The following SLC30A7 variants were observed in gnomAD, a reference collection of about 807,000 sequenced individuals.
The protein encoded by SLC30A7 is solute carrier family 30 member 7, also known as zinc transporter 7.
A neutral mutation model predicts 46.0 loss-of-function variants in SLC30A7; 35 were observed. The ratio of observed to expected loss-of-function variants is 0.76; its 90% CI spans 0.58 to 1.01. The LOEUF (loss-of-function observed/expected upper bound fraction) is 1.01. SLC30A7 is among the 50% of genes least tolerant of loss of function. SLC30A7 has a pLI of 0.00. For missense variants in SLC30A7, 464 were observed against 451.1 expected (o/e 1.03, Z -0.26); for synonymous variants, 147 against 157.8 (o/e 0.93, Z 0.51).
Position 100,901,740 on chromosome 1 carries a change from G to A in SLC30A7, c.182+5069G>A, listed in dbSNP as rs149760250. Among the ~76,000 whole-genome samples the A allele has an allele frequency of 6.5e-3, 991 of 152,240 alleles. 17 individuals are homozygous for A. The highest frequency in any genetic ancestry group is 0.021 in the African/African-American group (861 of 41,548). ...ATTATAGGCACGAGCCACTGCACCC[G>A]GCTGGTTTTCCATGTTAAAATGTCT... On this transcript the variant is annotated intron_variant, in intron 2 of 10. Transcript: ENST00000357650.
At chr1:100,973,058 GA>G (rs111988102) in intron 10 of SLC30A7, among the ~76,000 whole-genome samples, 43 of 133,772 alleles carry the variant, frequency 3.2e-4, no homozygotes, top group African/African-American at 2.7e-4. Flanking sequence ...CTTTCCACAG[GA>G]AAAAAAAAAA....
In SLC30A7 at chr1:100,969,419, T is replaced by C. The variant is rs1656032894; in HGVS notation, c.1083+3501T>C. The stretch of plus-strand genomic sequence containing the variant: ...CTGTTGAATTCTAGGACACTCCATA[T>C]TCTCCTAAGACTTTGGCATTTACTC... On this transcript the variant is annotated intron_variant, in intron 10 of 10. Coordinates refer to ENST00000357650, the MANE Select transcript of SLC30A7 (RefSeq NM_133496.5). Among the ~76,000 whole-genome samples, 2 of 152,200 alleles carry C rather than the reference T, an allele frequency of 1.3e-5. 1 individual carries two copies. The highest frequency in any genetic ancestry group is 4.1e-4 in the South Asian group (2 of 4,830).
chr1:100,965,253 T>C (rs1570591080), intron 9 of SLC30A7, among the ~76,000 whole-genome samples: 2 of 152,226 alleles, frequency 1.3e-5, no homozygotes, highest in Non-Finnish European at 2.9e-5. Context: ...TCTTTTCACA[T>C]TGAGCTTTTT....
At chr1:100,928,850 A>G (rs1653484929) in intron 8 of SLC30A7, among the ~76,000 whole-genome samples, 1 of 152,160 alleles carries the variant, frequency 6.6e-6, no homozygotes. Context: ...TACTATATGT[A>G]GATTATTAAG....
At chr1:100,965,737 T>G (rs1655821166) in intron 9 of SLC30A7, 32 bp from the exon 10 acceptor site, 1 of 1,594,732 alleles carries the variant, frequency 6.3e-7, no homozygotes, top group African/African-American at 1.3e-5. Flanking sequence ...TTAACTTGAT[T>G]ATGATGTTAA....
At chr1:100,954,208 CTG>C (rs996427527) in intron 8 of SLC30A7, among the ~76,000 whole-genome samples, 61 of 152,248 alleles carry the variant, frequency 4.0e-4, no homozygotes, top group African/African-American at 1.3e-3. Context: ...GAGAACATAA[CTG>C]TGATGAGATA....
At chr1:100,985,729 T>C (rs1350000043), downstream of SLC30A7, among the ~76,000 whole-genome samples, 1 of 152,152 alleles carries the variant, frequency 6.6e-6, no homozygotes, top group East Asian at 1.9e-4. Context: ...AGTGTGGATC[T>C]AAAACTCACT....
At chr1:100,955,573 T>C (rs537842185) in intron 8 of SLC30A7, among the ~76,000 whole-genome samples, 1 of 152,226 alleles carries the variant, frequency 6.6e-6, no homozygotes, top group South Asian at 2.1e-4. Context: ...AAATGCTTAC[T>C]TTTTGGGTTT....
At chr1:100,965,748 T>C in intron 9 of SLC30A7, 21 bp from the exon 10 acceptor site, 1 of 1,606,332 alleles carries the variant, frequency 6.2e-7, no homozygotes. Flanking sequence ...ATGATGTTAA[T>C]ATCTCTCCTT....
chr1:100,992,571 G>T, the SLC30A7 span: 2 of 1,152,224 alleles, frequency 1.7e-6, no homozygotes, highest in Non-Finnish European at 2.6e-6. Context: ...GAGATATTAA[G>T]TCATATACAC....
intron 8 of SLC30A7, among the ~76,000 whole-genome samples, chr1:100,960,947 GTTTTT>G (rs11354218): frequency 2.3e-5 from 2 of 86,312 alleles, no homozygotes; most frequent in Admixed American, 1.3e-4. Flanking sequence ...TGTTTTGTGT[GTTTTT>G]TTTTTTTTTT....
At chr1:100,921,553 C>T (rs1190836227) in intron 7 of SLC30A7, among the ~76,000 whole-genome samples, 153 bp from the exon 8 acceptor site, 4 of 152,154 alleles carry the variant, frequency 2.6e-5, no homozygotes, top group Non-Finnish European at 4.4e-5. Context: ...TGTACTATTA[C>T]ATGGTTACTA....
At chr1:100,971,671 C>CA (rs931501921) in intron 10 of SLC30A7, among the ~76,000 whole-genome samples, 6 of 151,944 alleles carry the variant, frequency 3.9e-5, no homozygotes, top group Non-Finnish European at 5.9e-5. Flanking sequence ...AATTTACAGA[C>CA]AAAAAAACCC....
intron 8 of SLC30A7, among the ~76,000 whole-genome samples, chr1:100,948,042 A>T (rs924215537): frequency 1.3e-5 from 2 of 152,096 alleles, no homozygotes; most frequent in African/African-American, 4.8e-5. Context: ...CATTTAACCC[A>T]TTTACATTTA....
chr1:100,967,721 A>T (rs931783122), intron 10 of SLC30A7, among the ~76,000 whole-genome samples: 1 of 152,218 alleles, frequency 6.6e-6, no homozygotes, highest in Non-Finnish European at 1.5e-5. Context: ...GGATTCTTTT[A>T]AAAAGTGTCA....
intron 9 of SLC30A7, among the ~76,000 whole-genome samples, chr1:100,964,804 A>C (rs1230053577): frequency 6.6e-6 from 1 of 152,154 alleles, no homozygotes; most frequent in Non-Finnish European, 1.5e-5. Flanking sequence ...ATGTAGAAAG[A>C]GTGGAGGGAT....
chr1:100,938,495 C>A (rs1336950230), intron 8 of SLC30A7, among the ~76,000 whole-genome samples: 2 of 152,234 alleles, frequency 1.3e-5, no homozygotes, highest in African/African-American at 2.4e-5. Context: ...TCTGTTGCTG[C>A]ATAACACATT....
At chr1:100,935,663 T>C (rs1344141701) in intron 8 of SLC30A7, among the ~76,000 whole-genome samples, 4 of 152,218 alleles carry the variant, frequency 2.6e-5, no homozygotes, top group Non-Finnish European at 4.4e-5. Context: ...TACTGTTTTT[T>C]AACCAATACT....
chr1:100,988,700 A>C, the SLC30A7 span, among the ~76,000 whole-genome samples: 1 of 151,840 alleles, frequency 6.6e-6, no homozygotes, highest in Non-Finnish European at 1.5e-5. Context: ...CACACAAAAT[A>C]GCCAGGTGTG....
Sources: allele counts gnomAD v4.1 joint callset (sites outside exome capture counted in the v4.1 genomes callset), GRCh38; gene constraint gnomAD v4.1.1; transcripts MANE v1.5; gene names NCBI Gene and HGNC (gene_info 2026-07-23, HGNC 2026-07-21).